Variants in PARD3B observed in about 807,000 individuals in gnomAD.
The protein encoded by PARD3B is partitioning defective 3 homolog B.
PARD3B carries 103 observed loss-of-function variants against 130.2 expected under a neutral mutation model. The ratio of observed to expected loss-of-function variants is 0.79; its 90% CI spans 0.67 to 0.93. The LOEUF is 0.93. Ranked by LOEUF, PARD3B falls within the 40% of genes least tolerant of loss-of-function variation. PARD3B has a pLI of 0.00. For synonymous variants in PARD3B, 583 were observed against 553.2 expected, an observed-to-expected ratio of 1.05 and a Z score of -0.76; for missense variants, 1,609 against 1,499.2, an observed-to-expected ratio of 1.07 and a Z score of -1.21.
chr2:205,500,618 C>T (rs969828783), intron 21 of PARD3B, among the ~76,000 whole-genome samples: 4 of 152,180 alleles, frequency 2.6e-5, no homozygotes, highest in Middle Eastern at 3.4e-3. Context: ...CAGAGTGGCA[C>T]GATTCACTCT....
intron 21 of PARD3B, among the ~76,000 whole-genome samples, chr2:205,548,667 C>T (rs1192503014): frequency 6.6e-6 from 1 of 151,962 alleles, no homozygotes; most frequent in African/African-American, 2.4e-5. Flanking sequence ...CTATAAATTC[C>T]CAGGAGATAA....
At chr2:204,786,859 C>G (rs967540048) in intron 2 of PARD3B, among the ~76,000 whole-genome samples, 7 of 151,752 alleles carry the variant, frequency 4.6e-5, no homozygotes, top group African/African-American at 1.7e-4. Flanking sequence ...GCATTTCGCT[C>G]TCATTCTCAA....
chr2:204,695,737 T>C (rs936536103), intron 2 of PARD3B, among the ~76,000 whole-genome samples: 2 of 152,022 alleles, frequency 1.3e-5, no homozygotes, highest in African/African-American at 4.8e-5. Flanking sequence ...CAGAAAGGGC[T>C]TGTGGTGGTA....
intron 3 of PARD3B, among the ~76,000 whole-genome samples, chr2:205,014,041 C>G (rs552879031): frequency 3.3e-5 from 5 of 152,280 alleles, no homozygotes; most frequent in Non-Finnish European, 7.4e-5. Context: ...ACCAGAATTG[C>G]CTTGCTAACC....
Position 204,597,210 on chromosome 2 carries a change from A to T in PARD3B, c.120+51091A>T, listed in dbSNP as rs533357133. ...GTTCTGTGTAATGCTTCCACAAGTC[A>T]TTTCTGCGAATGGATGAATTTTTCT... is the stretch of plus-strand genomic sequence containing the variant. On this transcript the variant is annotated intron_variant, in intron 1 of 22. Coordinates refer to ENST00000406610, the MANE Select transcript of PARD3B (RefSeq NM_001302769.2). Among the ~76,000 whole-genome samples the T allele has an allele frequency of 2.0e-5, 3 of 150,754 alleles. No homozygotes were observed. The South Asian group carries it at 6.3e-4, about 32-fold the overall frequency.
chr2:204,921,361 A>G (rs996729838), intron 2 of PARD3B, among the ~76,000 whole-genome samples: 1 of 152,342 alleles, frequency 6.6e-6, no homozygotes, highest in Non-Finnish European at 1.5e-5. Context: ...TCTGTTAATA[A>G]TAAGCCAGTT....
chr2:204,584,974 A>T (rs1005004854), intron 1 of PARD3B, among the ~76,000 whole-genome samples: 1 of 152,182 alleles, frequency 6.6e-6, no homozygotes, highest in Non-Finnish European at 1.5e-5. Flanking sequence ...TGGAGAAATG[A>T]TGGGAGCAGG....
chr2:205,046,938 C>G (rs543737650), intron 3 of PARD3B, among the ~76,000 whole-genome samples: 1 of 152,042 alleles, frequency 6.6e-6, no homozygotes, highest in African/African-American at 2.4e-5. Context: ...AATTTAATAA[C>G]TGACTCAAAT....
chr2:204,578,224 G>A (rs1026623970), intron 1 of PARD3B, among the ~76,000 whole-genome samples: 1 of 152,184 alleles, frequency 6.6e-6, no homozygotes, highest in Non-Finnish European at 1.5e-5. Flanking sequence ...AGGCTGAAGA[G>A]TAACAAGGAA....
intron 4 of PARD3B, among the ~76,000 whole-genome samples, chr2:205,098,479 C>T (rs1301873493): frequency 6.6e-6 from 1 of 152,118 alleles, no homozygotes; most frequent in African/African-American, 2.4e-5. Flanking sequence ...AATAAAACTA[C>T]TTTTAATTTC....
rs917998733 is a variant in PARD3B, at chr2:205,011,503, T to A, written c.395-36078T>A. On this transcript the variant is annotated intron_variant, in intron 3 of 22. Transcript: ENST00000406610. This position sits in a 1 kb window ranked among gnomAD's most constrained non-coding sequence, Gnocchi z 4.1. ...GCAGTTTTATAACCTAATCTCAGAA[T>A]GGACATACCAGTACTTCTTTCTGTC... Among the ~76,000 whole-genome samples, 4 of 152,212 alleles carry A rather than the reference T, an allele frequency of 2.6e-5. No individual in the cohort carries two copies. Among genetic ancestry groups the A allele is most frequent in the African/African-American group, 4.8e-5 (2 of 41,466 alleles).
intron 2 of PARD3B, among the ~76,000 whole-genome samples, chr2:204,836,472 G>A (rs2044034739): frequency 6.6e-6 from 1 of 152,092 alleles, no homozygotes; most frequent in African/African-American, 2.4e-5. Context: ...AGACCACCCT[G>A]GGCAACATGG....
intron 2 of PARD3B, among the ~76,000 whole-genome samples, chr2:204,702,837 A>G (rs1210467978): frequency 6.6e-6 from 1 of 152,114 alleles, no homozygotes; most frequent in Non-Finnish European, 1.5e-5. Flanking sequence ...TGGCCTCCCA[A>G]TGTGTTAGGA....
chr2:205,167,417 G>T lies in PARD3B; in HGVS notation c.1621-4794G>T, dbSNP rs932572171. ...CTGTAGCTTTTATTAGATTCTCAAAGGAGTCTAAGAACCCATAAAGGCTAA... is the reference window on the plus strand; with the variant it reads ...CTGTAGCTTTTATTAGATTCTCAAATGAGTCTAAGAACCCATAAAGGCTAA... On this transcript the variant is annotated intron_variant, in intron 11 of 22. Transcript: ENST00000406610. 2.6e-5 allele frequency among the ~76,000 whole-genome samples: 4 copies of T among 152,054 alleles called. No homozygotes were observed. The East Asian group carries it at 7.7e-4, about 29-fold the overall frequency.
intron 3 of PARD3B, among the ~76,000 whole-genome samples, chr2:205,002,423 C>T (rs779562214): frequency 6.6e-5 from 10 of 152,146 alleles, no homozygotes; most frequent in East Asian, 3.9e-4. Flanking sequence ...GCTTCCTCTG[C>T]GACTGACATC....
chr2:204,846,743 A>G (rs991739549), intron 2 of PARD3B, among the ~76,000 whole-genome samples: 3 of 151,108 alleles, frequency 2.0e-5, no homozygotes, highest in African/African-American at 7.3e-5. Context: ...TCTTCTTCGT[A>G]CAGATGACAC....
intron 2 of PARD3B, among the ~76,000 whole-genome samples, chr2:204,921,484 A>G (rs1038169837): frequency 2.7e-5 from 4 of 146,086 alleles, no homozygotes; most frequent in African/African-American, 9.9e-5. Flanking sequence ...GTGATTGTTT[A>G]TTTTTTGAAG....
chr2:205,244,503 G>A lies in PARD3B; in HGVS notation c.2141-1275G>A, dbSNP rs2039486657. On this transcript the variant is annotated intron_variant, in intron 15 of 22. Transcript: ENST00000406610. This position sits in a 1 kb window ranked among gnomAD's most constrained non-coding sequence, Gnocchi z 4.7. The stretch of plus-strand genomic sequence containing the variant: ...CATATCATGTATTTTTCTGATATTA[G>A]TTAGTATCTGGGTAACACTAGCCTC... Among the ~76,000 whole-genome samples, 1 of 152,186 alleles carries A rather than the reference G, an allele frequency of 6.6e-6. No individual in the cohort carries two copies. The highest frequency in any genetic ancestry group is 1.9e-4 in the East Asian group (1 of 5,198).
intron 2 of PARD3B, among the ~76,000 whole-genome samples, chr2:204,808,663 T>C (rs1482002077): frequency 6.6e-6 from 1 of 152,162 alleles, no homozygotes; most frequent in Non-Finnish European, 1.5e-5. Flanking sequence ...GGACATGATC[T>C]TGTTCTTTTT....
Sources: gnomAD v4.1 joint callset for allele counts (sites outside exome capture counted in the v4.1 genomes callset) on GRCh38, gnomAD v4.1.1 for gene constraint, Gnocchi (gnomAD v3.1) non-coding constraint, MANE v1.5 for transcripts, NCBI Gene and HGNC (gene_info 2026-07-23, HGNC 2026-07-21) for gene names.